TBC1D20: variants seen among roughly 807,000 people sequenced by gnomAD.
TBC1D20 encodes the protein TBC1 domain family member 20.
In TBC1D20, 12 loss-of-function variants were observed where a neutral mutation model predicts 41.6. The observed-to-expected ratio is 0.29, with a 90% CI of 0.18 to 0.47. TBC1D20 has a LOEUF of 0.47. TBC1D20 is among the 20% of genes least tolerant of loss of function. The pLI is 1.00. For missense variants in TBC1D20, 421 were observed against 517.4 expected (o/e 0.81, Z 1.81); for synonymous variants, 205 against 204.8 (o/e 1.00, Z -0.01).
chr20:458,179 G>C (rs2017573520), intron 1 of TBC1D20, among the ~76,000 whole-genome samples: 1 of 151,706 alleles, frequency 6.6e-6, no homozygotes, highest in South Asian at 2.1e-4. Flanking sequence ...TGTATCTTGG[G>C]GAAAAAAACC....
chr20:456,912 A>C (rs940761387), intron 1 of TBC1D20, among the ~76,000 whole-genome samples: 2 of 148,034 alleles, frequency 1.4e-5, no homozygotes, highest in Non-Finnish European at 1.5e-5. Context: ...CACCAAGAAT[A>C]TATTCTGGAT....
At position 438,801 on chromosome 20, in the gene TBC1D20, C is replaced by T; in HGVS notation, c.997G>A (p.Ala333Thr). 1 of 1,614,224 alleles carries T rather than the reference C, an allele frequency of 6.2e-7. No individual in the cohort carries two copies. The highest frequency in any genetic ancestry group is 8.5e-7 in the Non-Finnish European group (1 of 1,180,028). ...STFKDFELAS[A>T]QQRPDMVLRQ... ...AGCACCATATCAGGCCTCTGCTGGG[C>T]TGATGCCAGCTCAAAGTCTTTGAAA... Residue 333 changes from alanine (A) to threonine (T), a missense_variant, in exon 8 of 8, where the codon GCC (alanine) becomes ACC (threonine). Around this residue, in one of 3 missense-constraint regions of TBC1D20, gnomAD observed 161 missense variants for 182.7 expected, o/e 0.88. Transcript: ENST00000354200.
chr20:442,070 G>C, intron 3 of TBC1D20, 27 bp from the exon 4 acceptor site: 1 of 1,569,738 alleles, frequency 6.4e-7, no homozygotes, highest in Non-Finnish European at 8.7e-7. Context: ...AGATGCCTTT[G>C]AACATACCAA....
At chr20:453,354 A>G (rs112178024) in intron 1 of TBC1D20, among the ~76,000 whole-genome samples, 4,021 of 140,814 alleles carry the variant, frequency 0.029, 56 homozygotes, top group African/African-American at 0.049. Context: ...CATGCCTGTA[A>G]TCCCAGCTAC....
intron 1 of TBC1D20, among the ~76,000 whole-genome samples, chr20:453,720 T>G (rs1158778794): frequency 2.8e-5 from 4 of 145,194 alleles, no homozygotes; most frequent in African/African-American, 1.0e-4. Context: ...TAATTTTTTT[T>G]TTTGTATTTT....
intron 1 of TBC1D20, among the ~76,000 whole-genome samples, chr20:458,077 TATG>T (rs2017572054): frequency 6.6e-6 from 1 of 152,000 alleles, no homozygotes; most frequent in African/African-American, 2.4e-5. Flanking sequence ...TTGCTAAGAG[TATG>T]ATAATTTTTC....
chr20:445,255 A>T (rs2017311308), intron 2 of TBC1D20, 125 bp from the exon 3 acceptor site: 2 of 683,768 alleles, frequency 2.9e-6, no homozygotes, highest in African/African-American at 3.6e-5. Context: ...GGATGATATG[A>T]CTCAAGATAC....
At position 448,158 on chromosome 20, in the gene TBC1D20, G is replaced by A. The variant is rs74456975; in HGVS notation, c.71-84C>T. 12,376 of 949,952 alleles carry A rather than the reference G, an allele frequency of 0.013. 137 individuals are homozygous for A. Among genetic ancestry groups the A allele is most frequent in the Middle Eastern group, 0.03 (139 of 4,658 alleles). 58.8% of individuals were successfully genotyped at this position (949,952 alleles called of 1,614,324 possible). A position where few individuals can be genotyped will look rare whatever the true frequency, so the allele number is the denominator to read the frequency against. On this transcript the variant is annotated intron_variant, in intron 1 of 7. Coordinates refer to ENST00000354200, the MANE Select transcript of TBC1D20 (RefSeq NM_144628.4). ...TAGGACTCAAGCTCCTTTTTGATAT[G>A]AGGTACAGGTAAGTATCTCCTCTTA...
intron 1 of TBC1D20, among the ~76,000 whole-genome samples, chr20:457,133 T>A (rs1343907863): frequency 2.7e-5 from 4 of 150,462 alleles, no homozygotes; most frequent in African/African-American, 9.8e-5. Flanking sequence ...ACAGGGTTTT[T>A]CCATGTTGGT....
chr20:461,890 T>A (rs751060861), intron 1 of TBC1D20, among the ~76,000 whole-genome samples: 11 of 152,246 alleles, frequency 7.2e-5, no homozygotes, highest in Admixed American at 1.3e-4. Context: ...ACATCGGCGG[T>A]ACGCGGGCAG....
At chr20:457,188 G>A (rs1250722004) in intron 1 of TBC1D20, among the ~76,000 whole-genome samples, 2 of 151,702 alleles carry the variant, frequency 1.3e-5, no homozygotes, top group Non-Finnish European at 2.9e-5. Context: ...CGCCCACCTT[G>A]GCCTCCCAAA....
At chr20:452,815 CT>C (rs1192800997) in intron 1 of TBC1D20, among the ~76,000 whole-genome samples, 2 of 152,094 alleles carry the variant, frequency 1.3e-5, no homozygotes, top group African/African-American at 4.8e-5. Context: ...ATGTTCTAGT[CT>C]GAGGAAAAGG....
Position 458,811 on chromosome 20 carries a change from T to C in TBC1D20, c.70+3525A>G, listed in dbSNP as rs548081229. ...TAAGGTGATGCTCACTGCAGAACTC[T>C]CTAAACAGATCTGCAGACTCTTTGG... On this transcript the variant is annotated intron_variant, in intron 1 of 7. Coordinates refer to ENST00000354200, the MANE Select transcript of TBC1D20 (RefSeq NM_144628.4). Among the ~76,000 whole-genome samples the C allele has an allele frequency of 1.1e-4, 16 of 152,324 alleles. No homozygotes were observed. The East Asian group carries it at 1.9e-3, about 18-fold the overall frequency.
At chr20:446,350 TTTC>T (rs1184467949) in intron 2 of TBC1D20, among the ~76,000 whole-genome samples, 1 of 152,212 alleles carries the variant, frequency 6.6e-6, no homozygotes. Context: ...AAGAGGGTGT[TTTC>T]TTTTTTTTTG....
At chr20:456,722 G>A (rs571632070) in intron 1 of TBC1D20, among the ~76,000 whole-genome samples, 2 of 151,416 alleles carry the variant, frequency 1.3e-5, no homozygotes, top group East Asian at 2.0e-4. Flanking sequence ...TCACCACCAC[G>A]CCTGGCTAAT....
rs11087602 is a variant in TBC1D20 at position 446,456 on chromosome 20, T to G, written c.257-1326A>C. 2.1e-3 allele frequency among the ~76,000 whole-genome samples: 326 copies of G among 152,244 alleles called. 16 individuals carry two copies. In the East Asian group the frequency reaches 0.05, roughly 23 times the overall value. On this transcript the variant is annotated intron_variant, in intron 2 of 7. Transcript: ENST00000354200. ...CCTCGGTTCAAGCGATTCTCCTGCC[T>G]CAGCTTCCCTAGTAGCTGGAATTAC...
Position 445,195 on chromosome 20 carries a change from C to T in TBC1D20, c.257-65G>A, listed in dbSNP as rs76459812. 8,001 of 1,276,068 alleles carry T rather than the reference C, an allele frequency of 6.3e-3. 242 individuals are homozygous for T. In the East Asian group the frequency reaches 0.072, roughly 12 times the overall value. 79.0% of individuals were successfully genotyped at this position (1,276,068 alleles called of 1,614,324 possible). On this transcript the variant is annotated intron_variant, in intron 2 of 7. Transcript: ENST00000354200. ...GAAGCCAGACCAGAAGCAAAACATT[C>T]TGGGATGACACAAAAGGCCTAGAGG...
intron 6 of TBC1D20, among the ~76,000 whole-genome samples, 192 bp downstream of exon 6, chr20:440,056 G>A (rs1443635832): frequency 1.3e-5 from 2 of 152,178 alleles, no homozygotes; most frequent in Non-Finnish European, 2.9e-5. Context: ...TTTATACCCA[G>A]CATTTCCCAA....
Position 442,048 on chromosome 20 carries a change from G to T in TBC1D20, c.338-5C>A. Reference sequence around the variant, plus strand: ...CTCTCTGTTCCTCTGGCATGCCTGGGGACAGGAACAGAGATGCCTTTGAAC... The same window carrying T: ...CTCTCTGTTCCTCTGGCATGCCTGGTGACAGGAACAGAGATGCCTTTGAAC... On this transcript the variant is annotated splice_region_variant and splice_polypyrimidine_tract_variant and intron_variant, in intron 3 of 7. Coordinates refer to ENST00000354200, the MANE Select transcript of TBC1D20 (RefSeq NM_144628.4). The T allele has an allele frequency of 6.2e-7, 1 of 1,606,958 alleles. No individual in the cohort carries two copies. The highest frequency in any genetic ancestry group is 1.1e-5 in the South Asian group (1 of 90,684).
Sources: allele counts gnomAD v4.1 joint callset (sites outside exome capture counted in the v4.1 genomes callset), GRCh38; gene constraint gnomAD v4.1.1; regional missense constraint gnomAD v4.1.1; transcripts MANE v1.5; gene names NCBI Gene and HGNC (gene_info 2026-07-23, HGNC 2026-07-21).